Variants in ASCC2 observed in about 807,000 individuals in gnomAD.
The protein encoded by ASCC2 is ASC-1 complex subunit P100.
ASCC2 carries 42 observed loss-of-function variants against 93.5 expected under a neutral mutation model. The ratio of observed to expected loss-of-function variants is 0.45; its 90% CI spans 0.35 to 0.58. The LOEUF is 0.58. ASCC2 is among the 20% of genes least tolerant of loss of function. The pLI is 0.00. For missense variants in ASCC2, 859 were observed against 977.6 expected (o/e 0.88, Z 1.62); for synonymous variants, 364 against 384.2 (o/e 0.95, Z 0.62).
At chr22:29,798,483 A>G (rs2058700900) in intron 15 of ASCC2, among the ~76,000 whole-genome samples, 1 of 152,156 alleles carries the variant, frequency 6.6e-6, no homozygotes, top group African/African-American at 2.4e-5. Context: ...CTGACCACGA[A>G]GTGAGGCCCC....
rs533912236 is a variant in ASCC2, at chr22:29,829,549, C to T, written c.81+2696G>A. On this transcript the variant is annotated intron_variant, in intron 2 of 19. Coordinates refer to ENST00000307790, the MANE Select transcript of ASCC2 (RefSeq NM_032204.5). ...TAGCCTGGCCAACATGGTGAAACCCCGTCTCTGCTAAAAACACAAAAATTA... is the reference window on the plus strand; with the variant it reads ...TAGCCTGGCCAACATGGTGAAACCCTGTCTCTGCTAAAAACACAAAAATTA... Among the ~76,000 whole-genome samples the T allele has an allele frequency of 5.9e-5, 9 of 152,128 alleles. No homozygotes were observed. The East Asian group carries it at 1.4e-3, about 23-fold the overall frequency.
intron 8 of ASCC2, among the ~76,000 whole-genome samples, chr22:29,808,809 C>CA (rs564026837): frequency 0.12 from 12,547 of 104,434 alleles, 935 homozygotes; most frequent in East Asian, 0.47. Flanking sequence ...GACCCTATCT[C>CA]AAAAAAAAAA....
At chr22:29,835,179 T>C (rs972469495) in intron 1 of ASCC2, among the ~76,000 whole-genome samples, 2 of 152,160 alleles carry the variant, frequency 1.3e-5, no homozygotes, top group Non-Finnish European at 2.9e-5. Context: ...GGAGGATTGC[T>C]CGAAGCCAGG....
At chr22:29,800,856 G>C in intron 15 of ASCC2, 135 bp downstream of exon 15, 2 of 1,135,310 alleles carry the variant, frequency 1.8e-6, no homozygotes, top group Non-Finnish European at 2.4e-6. Flanking sequence ...GGGGTGCACA[G>C]GTCTAGGGTT....
At chr22:29,838,137 T>C in intron 1 of ASCC2, 41 bp downstream of exon 1, 1 of 460,202 alleles carries the variant, frequency 2.2e-6, no homozygotes, top group Non-Finnish European at 4.4e-6. Flanking sequence ...TCCTCCGGGG[T>C]CCCTTGCCCT....
chr22:29,820,689 C>A (rs991134103), intron 5 of ASCC2, among the ~76,000 whole-genome samples: 4 of 151,428 alleles, frequency 2.6e-5, no homozygotes, highest in Non-Finnish European at 5.9e-5. Context: ...AATCCCAACA[C>A]TTTGGGAGGC....
chr22:29,824,707 G>T (rs1009610100), intron 4 of ASCC2, among the ~76,000 whole-genome samples: 21 of 151,922 alleles, frequency 1.4e-4, no homozygotes, highest in Admixed American at 1.4e-3. Context: ...CAATGTTTGG[G>T]TTGTTTAGAG....
intron 19 of ASCC2, among the ~76,000 whole-genome samples, chr22:29,789,495 T>A (rs923836540): frequency 1.3e-5 from 2 of 152,182 alleles, no homozygotes. Flanking sequence ...CAGGTGGGTC[T>A]CCTCCTTTCT....
intron 1 of ASCC2, among the ~76,000 whole-genome samples, chr22:29,835,759 C>A (rs1338124917): frequency 2.0e-5 from 3 of 152,186 alleles, no homozygotes; most frequent in Non-Finnish European, 4.4e-5. Flanking sequence ...CAACCAGAGG[C>A]AAGACACTTT....
chr22:29,835,608 C>G (rs2148441423), intron 1 of ASCC2, among the ~76,000 whole-genome samples: 1 of 152,200 alleles, frequency 6.6e-6, no homozygotes, highest in East Asian at 1.9e-4. Flanking sequence ...CTTTTGATTG[C>G]CTCTTCTGTA....
chr22:29,822,012 T>TTA, intron 5 of ASCC2: 3 of 441,032 alleles, frequency 6.8e-6, no homozygotes, highest in East Asian at 7.0e-5. Context: ...TCTTTTTTTT[T>TTA]GAGATGGAGT....
At chr22:29,819,277 C>T (rs1048731195) in intron 5 of ASCC2, among the ~76,000 whole-genome samples, 1 of 152,196 alleles carries the variant, frequency 6.6e-6, no homozygotes, top group Non-Finnish European at 1.5e-5. Context: ...TCTCCTGCCT[C>T]AGCCTCCCAA....
At position 29,789,090 on chromosome 22, in the gene ASCC2, T is replaced by G; in HGVS notation, c.2197A>C (p.Asn733His). The G allele has an allele frequency of 6.2e-7, 1 of 1,614,214 alleles. No homozygotes were observed. Among genetic ancestry groups the G allele is most frequent in the Non-Finnish European group, 8.5e-7 (1 of 1,180,028 alleles). The change falls in exon 20 of 20, where the codon AAC (asparagine) becomes CAC (histidine). Residue 733 changes from asparagine (N) to histidine (H), a missense_variant. Transcript: ENST00000307790. ...TTGTGGTTGGCTCTTGTCGCCTTGT[T>G]GGCTTCCTTCTTCCTGCGTTCCTGG... is the stretch of plus-strand genomic sequence containing the variant. ...TTQERRKKEANKATRANHNRR... is the reference protein window; with the variant it reads ...TTQERRKKEAHKATRANHNRR...
In ASCC2 at chr22:29,825,840, C is replaced by A; in HGVS notation, c.82-60G>T. The A allele has an allele frequency of 6.5e-7, 1 of 1,543,538 alleles. No homozygotes were observed. The highest frequency in any genetic ancestry group is 8.8e-7 in the Non-Finnish European group (1 of 1,141,354). ...AGGTTAGTCAGCGAGGGCCCATTTG[C>A]CAACCCACAGCAATGACAACACTTG... On this transcript the variant is annotated intron_variant, in intron 2 of 19. Transcript: ENST00000307790. The surrounding 1 kb of genome is among the most constrained non-coding windows in gnomAD (Gnocchi z 4.9).
intron 5 of ASCC2, 41 bp from the exon 6 acceptor site, chr22:29,816,114 G>T (rs754782181): frequency 1.4e-5 from 21 of 1,495,118 alleles, no homozygotes; most frequent in Non-Finnish European, 1.9e-5. Flanking sequence ...GAAAAGGTGG[G>T]GGCTCGGGGC....
chr22:29,815,924 A>G (rs758678341), intron 6 of ASCC2, 82 bp downstream of exon 6: 40 of 1,204,800 alleles, frequency 3.3e-5, no homozygotes, highest in Non-Finnish European at 4.7e-5. Context: ...CTCCTCCAGG[A>G]AAGTCAGGCA....
At chr22:29,802,360 G>C in intron 13 of ASCC2, 152 bp from the exon 14 acceptor site, 1 of 701,726 alleles carries the variant, frequency 1.4e-6, no homozygotes, top group Non-Finnish European at 2.3e-6. Flanking sequence ...AGTGACTCAA[G>C]TCTCTCTGAG....
chr22:29,794,949 T>C (rs538484368), intron 15 of ASCC2, among the ~76,000 whole-genome samples: 2 of 151,702 alleles, frequency 1.3e-5, no homozygotes, highest in African/African-American at 4.8e-5. Flanking sequence ...TGGAGTTGTC[T>C]AAATCTTTTT....
intron 7 of ASCC2, 85 bp downstream of exon 7, chr22:29,814,572 G>A: frequency 8.5e-7 from 1 of 1,173,018 alleles, no homozygotes; most frequent in Non-Finnish European, 1.2e-6. Context: ...GTCCTCTACT[G>A]GGGCAATCTT....
Sources: gnomAD v4.1 joint callset for allele counts (sites outside exome capture counted in the v4.1 genomes callset) on GRCh38, gnomAD v4.1.1 for gene constraint, Gnocchi (gnomAD v3.1) non-coding constraint, MANE v1.5 for transcripts, NCBI Gene and HGNC (gene_info 2026-07-23, HGNC 2026-07-21) for gene names.